The following SWT1 variants were observed in gnomAD, a reference collection of about 807,000 sequenced individuals.
SWT1 encodes the protein SWT1 RNA endoribonuclease homolog.
A neutral mutation model predicts 107.3 loss-of-function variants in SWT1; 33 were observed. The observed-to-expected ratio is 0.31, with a 90% CI of 0.23 to 0.41. The LOEUF is 0.41. SWT1 is among the 10% of genes least tolerant of loss of function. The probability of loss-of-function intolerance (pLI) is 1.00; values close to 1 mark genes in which losing one functional copy is unlikely to be tolerated. For synonymous variants in SWT1, 345 were observed against 348.3 expected (o/e 0.99, Z 0.11); for missense variants, 898 against 1,028.9 (o/e 0.87, Z 1.74).
At chr1:185,264,627 TAGAG>T (rs1663249181) in intron 16 of SWT1, 1 of 223,102 alleles carries the variant, frequency 4.5e-6, no homozygotes, top group African/African-American at 2.3e-5. Context: ...AAACTAAACA[TAGAG>T]AGGTAAAATA....
chr1:185,216,096 C>T (rs1571527923), intron 14 of SWT1, among the ~76,000 whole-genome samples: 1 of 151,926 alleles, frequency 6.6e-6, no homozygotes, highest in East Asian at 1.9e-4. Flanking sequence ...GAGGAAAGCA[C>T]TTCCTTGCTA....
intron 2 of SWT1, among the ~76,000 whole-genome samples, chr1:185,163,696 C>T (rs1222798223): frequency 6.6e-6 from 1 of 152,104 alleles, no homozygotes; most frequent in Non-Finnish European, 1.5e-5. Flanking sequence ...ACCCAGCCCC[C>T]ATTAAAGTTT....
rs570127518 is a variant in SWT1, at chr1:185,202,457, A to G, written c.1524-197A>G. Among the ~76,000 whole-genome samples the G allele has an allele frequency of 2.0e-5, 3 of 151,256 alleles. No individual in the cohort carries two copies. The South Asian group carries it at 6.3e-4, about 32-fold the overall frequency. On this transcript the variant is annotated intron_variant, in intron 10 of 18. Transcript: ENST00000367500. ...TTTGTTGTGAGGATTAAATAGATTT[A>G]TATATATATATATAAAGCACTTTAG...
At chr1:185,176,589 C>T in intron 5 of SWT1, 48 of 982,996 alleles carry the variant, frequency 4.9e-5, no homozygotes, top group Non-Finnish European at 5.7e-5. Flanking sequence ...AGAGAACTTT[C>T]AGAACTGTGG....
At chr1:185,179,135 G>T (rs189910174) in intron 5 of SWT1, among the ~76,000 whole-genome samples, 1 of 152,238 alleles carries the variant, frequency 6.6e-6, no homozygotes, top group East Asian at 1.9e-4. Flanking sequence ...GCTGGGTATG[G>T]TGGCGGGCCT....
chr1:185,196,218 C>A (rs989237165), intron 10 of SWT1, among the ~76,000 whole-genome samples: 1 of 152,140 alleles, frequency 6.6e-6, no homozygotes, highest in Admixed American at 6.5e-5. Flanking sequence ...TATGGCTAGC[C>A]AGTTTTCCCA....
chr1:185,241,029 G>C (rs530916680), intron 16 of SWT1, among the ~76,000 whole-genome samples: 4 of 151,940 alleles, frequency 2.6e-5, no homozygotes, highest in Admixed American at 2.6e-4. Context: ...TCGCCTCTTT[G>C]ACTTACTGTA....
chr1:185,184,240 T>C lies in SWT1; in HGVS notation c.1139-3T>C, dbSNP rs1025741548. On this transcript the variant is annotated splice_region_variant and splice_polypyrimidine_tract_variant and intron_variant, in intron 7 of 18. Transcript: ENST00000367500. ...TCATGAAATATTTGCTCTTTTTCTT[T>C]AGCAAATAATACTTCAGACAGAAAG... The C allele has an allele frequency of 8.3e-6, 12 of 1,446,104 alleles. No homozygotes were observed. The East Asian group carries it at 2.8e-4, about 33-fold the overall frequency. 89.6% of individuals were successfully genotyped at this position (1,446,104 alleles called of 1,614,324 possible).
At chr1:185,263,021 A>G (rs1663135151) in intron 16 of SWT1, among the ~76,000 whole-genome samples, 1 of 152,102 alleles carries the variant, frequency 6.6e-6, no homozygotes, top group African/African-American at 2.4e-5. Flanking sequence ...TCCTGGGCTC[A>G]AGTGATTCAC....
At chr1:185,197,479 G>A (rs886106745) in intron 10 of SWT1, among the ~76,000 whole-genome samples, 30 of 151,220 alleles carry the variant, frequency 2.0e-4, no homozygotes, top group African/African-American at 5.1e-4. Flanking sequence ...GGCCTCATGC[G>A]TTAGGGAGGA....
chr1:185,193,612 G>A (rs1417372572), intron 10 of SWT1, among the ~76,000 whole-genome samples: 2 of 151,920 alleles, frequency 1.3e-5, no homozygotes, highest in Non-Finnish European at 2.9e-5. Context: ...GACTACAGTT[G>A]CAGGCTGCCA....
At chr1:185,271,614 T>C (rs1389252490) in intron 17 of SWT1, among the ~76,000 whole-genome samples, 1 of 152,222 alleles carries the variant, frequency 6.6e-6, no homozygotes, top group Non-Finnish European at 1.5e-5. Context: ...ATGTTATACA[T>C]AGTGAAATGG....
chr1:185,254,843 G>A (rs1662352209), intron 16 of SWT1, among the ~76,000 whole-genome samples: 1 of 151,502 alleles, frequency 6.6e-6, no homozygotes, highest in East Asian at 1.9e-4. Flanking sequence ...GTTTGCTCTT[G>A]CTTTTCTAGT....
chr1:185,268,079 C>CATT (rs1362835892), intron 16 of SWT1, among the ~76,000 whole-genome samples: 2 of 152,166 alleles, frequency 1.3e-5, no homozygotes, highest in Non-Finnish European at 2.9e-5. Flanking sequence ...AAGTTGACTG[C>CATT]ATTTTAATAA....
rs140890732 is a variant in SWT1, at chr1:185,198,674, C to T, written c.1524-3980C>T. Among the ~76,000 whole-genome samples the T allele has an allele frequency of 5.3e-5, 8 of 151,880 alleles. No individual in the cohort carries two copies. The South Asian group carries it at 6.2e-4, about 12-fold the overall frequency. On this transcript the variant is annotated intron_variant, in intron 10 of 18. Transcript: ENST00000367500. ...TCTTCTTGTTGCATTGATTCTTTAC[C>T]GTTAAGTAGTGCCTTTCTTTGTCTC...
chr1:185,212,328 G>A (rs1033350367), intron 13 of SWT1, among the ~76,000 whole-genome samples: 2 of 152,116 alleles, frequency 1.3e-5, no homozygotes, highest in Non-Finnish European at 2.9e-5. Context: ...CAAAGTTAGT[G>A]TAAAAAATGA....
At chr1:185,232,491 GA>G (rs1178686584) in intron 16 of SWT1, among the ~76,000 whole-genome samples, 2 of 152,156 alleles carry the variant, frequency 1.3e-5, no homozygotes, top group Non-Finnish European at 2.9e-5. Flanking sequence ...TATGACCTCT[GA>G]ATCCAAACAG....
At chr1:185,158,265 A>G (rs28439734) in intron 1 of SWT1, among the ~76,000 whole-genome samples, 2 of 151,988 alleles carry the variant, frequency 1.3e-5, no homozygotes, top group African/African-American at 4.8e-5. Context: ...ATATATCTGG[A>G]GGGGTGTGTG....
intron 10 of SWT1, among the ~76,000 whole-genome samples, chr1:185,202,036 A>C (rs1657925080): frequency 6.6e-6 from 1 of 152,250 alleles, no homozygotes; most frequent in South Asian, 2.1e-4. Context: ...CTGGAAGCCT[A>C]CTGGCCTCCA....
Sources: allele counts gnomAD v4.1 joint callset (sites outside exome capture counted in the v4.1 genomes callset), GRCh38; gene constraint gnomAD v4.1.1; transcripts MANE v1.5; gene names NCBI Gene and HGNC (gene_info 2026-07-23, HGNC 2026-07-21).